The following TLR10 variants were observed in gnomAD, a reference collection of about 807,000 sequenced individuals.
TLR10 encodes the protein toll like receptor 10.
For synonymous variants in TLR10, 288 were observed against 338.8 expected, an observed-to-expected ratio of 0.85 and a Z score of 1.65; for missense variants, 929 against 932.9, an observed-to-expected ratio of 1.00 and a Z score of 0.05.
chr4:38,780,079 T>C lies in TLR10; in HGVS notation c.-569+2842A>G, dbSNP rs531179583. Reference sequence around the variant, plus strand: ...TGAATGAATTTATGTTGTGAATTCCTGATACAGTGCAGGGCATGATGGTTG... The same window carrying C: ...TGAATGAATTTATGTTGTGAATTCCCGATACAGTGCAGGGCATGATGGTTG... On this transcript the variant is annotated intron_variant, in intron 1 of 3. Coordinates refer to ENST00000308973, the MANE Select transcript of TLR10 (RefSeq NM_030956.4). Among the ~76,000 whole-genome samples, 239 of 152,332 alleles carry C rather than the reference T, an allele frequency of 1.6e-3. 1 individual carries two copies. Among genetic ancestry groups the C allele is most frequent in the African/African-American group, 5.6e-3 (232 of 41,582 alleles).
chr4:38,781,393 G>A (rs1725401921), intron 1 of TLR10, among the ~76,000 whole-genome samples: 1 of 151,420 alleles, frequency 6.6e-6, no homozygotes. Flanking sequence ...GGAGTAAAGT[G>A]GTATGATCTC....
In TLR10 at chr4:38,773,892, C is replaced by T. The variant is rs751280236; in HGVS notation, c.1699G>A (p.Val567Ile). The change falls in exon 4 of 4, where the codon GTT (valine) becomes ATT (isoleucine). Residue 567 changes from valine to isoleucine, a missense_variant. Val to Ile is a conservative substitution (Grantham distance 29). Transcript: ENST00000308973. ...TTGCAAGATAATTCGTGGAGATGAA[C>T]GTCTTTTAACCTAGTTCCCCTTAGG... ...LNLRGTRLKD[V>I]HLHELSCNTA... is the part of the protein sequence containing the mutation. 1.0e-5 allele frequency: 16 copies of T among 1,592,798 alleles called. No homozygotes were observed. The South Asian group carries it at 1.0e-4, about 10-fold the overall frequency.
In TLR10 at chr4:38,773,799, A is replaced by G. The variant is rs1439647079; in HGVS notation, c.1792T>C (p.Cys598Arg). The G allele has an allele frequency of 1.3e-6, 2 of 1,599,184 alleles. No homozygotes were observed. Among genetic ancestry groups the G allele is most frequent in the African/African-American group, 1.3e-5 (1 of 74,508 alleles). Residue 598 changes from cysteine to arginine, a missense_variant, in exon 4 of 4, where the codon TGT becomes CGT. Transcript: ENST00000308973. The stretch of plus-strand genomic sequence containing the variant: ...TACCAGGGCAGATCAAAGTGGAGAC[A>G]GCAGAAGGCCACAGCCAACCCCAGA... ...LVLGLAVAFC[C>R]LHFDLPWYLR...
Position 38,773,874 on chromosome 4 carries a change from A to G in TLR10, c.1717T>C (p.Ser573Pro). The change falls in exon 4 of 4, where the codon TCT (serine) becomes CCT (proline). Residue 573 changes from serine to proline, a missense_variant. By Grantham distance (74) the Ser-to-Pro change is moderately conservative. Coordinates refer to ENST00000308973, the MANE Select transcript of TLR10 (RefSeq NM_030956.4). Reference protein sequence around the residue: ...RLKDVHLHELSCNTALLIVTI... With the variant: ...RLKDVHLHELPCNTALLIVTI... ...ACAATCAACAGAGCTGTGTTGCAAG[A>G]TAATTCGTGGAGATGAACGTCTTTT... The G allele has an allele frequency of 6.3e-7, 1 of 1,593,542 alleles. No individual in the cohort carries two copies.
chr4:38,781,044 C>T (rs1725374723), intron 1 of TLR10, among the ~76,000 whole-genome samples: 2 of 152,194 alleles, frequency 1.3e-5, no homozygotes, highest in Non-Finnish European at 1.5e-5. Context: ...CCCACTTCTT[C>T]CCCCTGCCCA....
intron 1 of TLR10, among the ~76,000 whole-genome samples, chr4:38,782,275 G>A (rs1725457560): frequency 1.3e-5 from 2 of 152,120 alleles, no homozygotes; most frequent in Admixed American, 6.6e-5. Flanking sequence ...TATATTCTTA[G>A]GAAAGTTATA....
chr4:38,779,750 A>G (rs770051987), intron 1 of TLR10, among the ~76,000 whole-genome samples: 2 of 152,188 alleles, frequency 1.3e-5, no homozygotes, highest in Admixed American at 6.5e-5. Context: ...CTTAATTTCC[A>G]TGCCACTAGA....
At position 38,773,807 on chromosome 4, in the gene TLR10, G is replaced by A; in HGVS notation, c.1784C>T (p.Ala595Val). The part of the protein sequence containing the change: ...VIMLVLGLAV[A>V]FCCLHFDLPW... Reference sequence around the variant, plus strand: ...CAGATCAAAGTGGAGACAGCAGAAGGCCACAGCCAACCCCAGAACTAGCAT... The same window carrying A: ...CAGATCAAAGTGGAGACAGCAGAAGACCACAGCCAACCCCAGAACTAGCAT... The change falls in exon 4 of 4, where the codon GCC (alanine) becomes GTC (valine). Residue 595 changes from alanine to valine, a missense_variant. By Grantham distance (64) the Ala-to-Val change is moderately conservative. Coordinates refer to ENST00000308973, the MANE Select transcript of TLR10 (RefSeq NM_030956.4). 1 of 1,594,984 alleles carries A rather than the reference G, an allele frequency of 6.3e-7. No individual in the cohort carries two copies. The highest frequency in any genetic ancestry group is 2.2e-5 in the East Asian group (1 of 44,778).
intron 1 of TLR10, among the ~76,000 whole-genome samples, chr4:38,781,454 C>T (rs967319072): frequency 6.6e-6 from 1 of 152,110 alleles, no homozygotes; most frequent in Non-Finnish European, 1.5e-5. Flanking sequence ...CCTGCCGCAG[C>T]CTCCTGAGTA....
In TLR10 at chr4:38,773,464, T is replaced by C; in HGVS notation, c.2127A>G (p.Glu709=). 6.2e-7 allele frequency: 1 copy of C among 1,612,032 alleles called. No individual in the cohort carries two copies. The highest frequency in any genetic ancestry group is 8.5e-7 in the Non-Finnish European group (1 of 1,179,294). The change falls in exon 4 of 4, where the codon GAA becomes GAG. Residue 709 remains glutamate, a synonymous_variant. Transcript: ENST00000308973. ...NFVQNEWCHY[E]FYFAHHNLFH... ...AGAGATTGTGGTGGGCAAAGTAGAATTCATAATGGCACCACTCATTCTGGA... is the reference window on the plus strand; with the variant it reads ...AGAGATTGTGGTGGGCAAAGTAGAACTCATAATGGCACCACTCATTCTGGA...
In TLR10 at chr4:38,774,927, T is replaced by C; in HGVS notation, c.664A>G (p.Ile222Val). Residue 222 changes from isoleucine to valine, a missense_variant, in exon 4 of 4, where the codon ATA (isoleucine) becomes GTA (valine). Physicochemically the swap from Ile to Val is conservative, Grantham distance 29. Coordinates refer to ENST00000308973, the MANE Select transcript of TLR10 (RefSeq NM_030956.4). ...KTSKILEMTN[I>V]DGKSQFVSYE... ...CTTACAAATTGGCTTTTGCCATCTA[T>C]ATTTGTCATTTCTAATATTTTTGAA... The C allele has an allele frequency of 1.2e-6, 2 of 1,612,236 alleles. No individual in the cohort carries two copies. The highest frequency in any genetic ancestry group is 1.1e-5 in the South Asian group (1 of 90,320).
Position 38,779,279 on chromosome 4 carries a change from T to A in TLR10, c.-568-2853A>T, listed in dbSNP as rs11466609. On this transcript the variant is annotated intron_variant, in intron 1 of 3. Coordinates refer to ENST00000308973, the MANE Select transcript of TLR10 (RefSeq NM_030956.4). ...TTCATAAACTATTGTTTCTGGTAAGTGTTCTCAAATATCTTGGAGAAAAAG... is the reference window on the plus strand; with the variant it reads ...TTCATAAACTATTGTTTCTGGTAAGAGTTCTCAAATATCTTGGAGAAAAAG... Among the ~76,000 whole-genome samples the A allele has an allele frequency of 3.8e-3, 577 of 152,336 alleles. 4 individuals carry two copies. The highest frequency in any genetic ancestry group is 0.013 in the African/African-American group (532 of 41,558).
At chr4:38,778,691 G>C (rs1560446555) in intron 1 of TLR10, among the ~76,000 whole-genome samples, 1 of 152,186 alleles carries the variant, frequency 6.6e-6, no homozygotes. Context: ...TAGTGGGGGA[G>C]TTTTTCTGCT....
In TLR10 at chr4:38,775,248, A is replaced by T. The variant is rs201054490; in HGVS notation, c.343T>A (p.Leu115Ile). The T allele has an allele frequency of 9.7e-4, 1,573 of 1,613,504 alleles. 30 individuals are homozygous for T. In the South Asian group the frequency reaches 0.016, roughly 17 times the overall value. ...NNRLKSVTWYLLAGLRYLDLS... is the reference protein window; with the variant it reads ...NNRLKSVTWYILAGLRYLDLS... The stretch of plus-strand genomic sequence containing the variant: ...TCTAAATACCTGAGACCTGCCAGTA[A>T]ATACCAAGTTACACTCTTCAGTCTG... The change falls in exon 4 of 4, where the codon TTA becomes ATA. Residue 115 changes from leucine (L) to isoleucine (I), a missense_variant. Transcript: ENST00000308973.
At chr4:38,777,093 G>A (rs1427681975) in intron 1 of TLR10, among the ~76,000 whole-genome samples, 1 of 152,182 alleles carries the variant, frequency 6.6e-6, no homozygotes, top group Non-Finnish European at 1.5e-5. Context: ...AGTTCAAGAT[G>A]AGATTTGGGT....
chr4:38,777,075 G>C (rs1268064059), intron 1 of TLR10, among the ~76,000 whole-genome samples: 2 of 152,184 alleles, frequency 1.3e-5, no homozygotes, highest in Non-Finnish European at 2.9e-5. Context: ...GGGAATTATG[G>C]GAGCTACAGT....
chr4:38,777,993 T>A (rs11466630), intron 1 of TLR10, among the ~76,000 whole-genome samples: 4,235 of 152,270 alleles, frequency 0.028, 199 homozygotes, highest in African/African-American at 0.097. Context: ...TAAAGATACA[T>A]GCACACACGT....
Position 38,773,322 on chromosome 4 carries a change from A to C in TLR10, c.2269T>G (p.Trp757Gly), listed in dbSNP as rs760137846. The change falls in exon 4 of 4, where the codon TGG (tryptophan) becomes GGG (glycine). Residue 757 changes from tryptophan (W) to glycine (G), a missense_variant. Physicochemically the swap from Trp to Gly is radical, Grantham distance 184 (BLOSUM62 -2). Coordinates refer to ENST00000308973, the MANE Select transcript of TLR10 (RefSeq NM_030956.4). The stretch of plus-strand genomic sequence containing the variant: ...CCACATTTACGCCTATCCTTGGGCC[A>C]TTCCAAGTATGCTTTTTTTTCCAGG... ...ALLEKKAYLE[W>G]PKDRRKCGLF... 4 of 1,613,714 alleles carry C rather than the reference A, an allele frequency of 2.5e-6. No individual in the cohort carries two copies. The highest frequency in any genetic ancestry group is 3.4e-6 in the Non-Finnish European group (4 of 1,179,936).
At chr4:38,779,647 T>A (rs1445798734) in intron 1 of TLR10, among the ~76,000 whole-genome samples, 1 of 152,238 alleles carries the variant, frequency 6.6e-6, no homozygotes, top group Non-Finnish European at 1.5e-5. Flanking sequence ...TAATTACTAC[T>A]CAAATTATTG....
Sources: allele counts gnomAD v4.1 joint callset (sites outside exome capture counted in the v4.1 genomes callset), GRCh38; gene constraint gnomAD v4.1.1; transcripts MANE v1.5; gene names NCBI Gene and HGNC (gene_info 2026-07-23, HGNC 2026-07-21).